The following AFG2A variants were observed in gnomAD, a reference collection of about 807,000 sequenced individuals.
AFG2A encodes AAA ATPase AFG2A.
chr4:123,243,058 C>T, the AFG2A span, among the ~76,000 whole-genome samples: 15 of 152,288 alleles, frequency 9.8e-5, no homozygotes, highest in Non-Finnish European at 1.6e-4. Flanking sequence ...TACCATCTCA[C>T]ACCAGTTAGA....
chr4:123,077,857 T>C, the AFG2A span, among the ~76,000 whole-genome samples: 3 of 152,222 alleles, frequency 2.0e-5, no homozygotes, highest in Non-Finnish European at 4.4e-5. Context: ...ATGTTTACAA[T>C]ATTATGCAGC....
At chr4:123,088,903 T>A in the AFG2A span, among the ~76,000 whole-genome samples, 1 of 152,178 alleles carries the variant, frequency 6.6e-6, no homozygotes, top group Non-Finnish European at 1.5e-5. Context: ...GTGAGAACGG[T>A]CTAATACAGA....
At chr4:123,214,078 A>G in the AFG2A span, among the ~76,000 whole-genome samples, 4 of 152,178 alleles carry the variant, frequency 2.6e-5, no homozygotes, top group Non-Finnish European at 5.9e-5. Flanking sequence ...TAGATTTTAT[A>G]TAATTTGGTA....
the AFG2A span, among the ~76,000 whole-genome samples, chr4:122,933,179 A>T: frequency 6.6e-6 from 1 of 152,200 alleles, no homozygotes; most frequent in African/African-American, 2.4e-5. Flanking sequence ...GCTGACTGAA[A>T]TGATTTCATT....
At chr4:123,317,328 C>T in the AFG2A span, 1 of 151,872 alleles carries the variant, frequency 6.6e-6, no homozygotes, top group East Asian at 1.9e-4. Flanking sequence ...CATGAAACCT[C>T]AAAACCTACA....
At chr4:123,258,398 CT>C in the AFG2A span, among the ~76,000 whole-genome samples, 2 of 152,208 alleles carry the variant, frequency 1.3e-5, no homozygotes, top group African/African-American at 4.8e-5. Flanking sequence ...ATTTCTCTCT[CT>C]CTGTTTCTCT....
chr4:123,075,988 CA>C, the AFG2A span, among the ~76,000 whole-genome samples: 9 of 134,132 alleles, frequency 6.7e-5, no homozygotes, highest in South Asian at 4.6e-4. Context: ...AAAAAAAAAA[CA>C]AAAAAAAAAG....
the AFG2A span, among the ~76,000 whole-genome samples, chr4:123,030,898 C>T: frequency 1.3e-5 from 2 of 151,986 alleles, no homozygotes; most frequent in Non-Finnish European, 1.5e-5. Context: ...GAGCTCAAAA[C>T]GTTTTGAATT....
At chr4:123,224,436 C>T in the AFG2A span, among the ~76,000 whole-genome samples, 136 of 152,126 alleles carry the variant, frequency 8.9e-4, no homozygotes, top group African/African-American at 2.9e-3. Flanking sequence ...GTTCATTTCC[C>T]ACCTGTGAGT....
At chr4:122,941,823 A>G in the AFG2A span, among the ~76,000 whole-genome samples, 2 of 151,578 alleles carry the variant, frequency 1.3e-5, no homozygotes, top group African/African-American at 4.8e-5. Flanking sequence ...TACCTAATTT[A>G]TTGAGAGTTT....
the AFG2A span, among the ~76,000 whole-genome samples, chr4:123,087,611 A>G: frequency 6.6e-6 from 1 of 152,146 alleles, no homozygotes; most frequent in Non-Finnish European, 1.5e-5. Context: ...AAACTCACAA[A>G]TGTGTGAGGG....
the AFG2A span, among the ~76,000 whole-genome samples, chr4:123,116,627 T>C: frequency 0.021 from 3,241 of 152,326 alleles, 64 homozygotes; most frequent in Non-Finnish European, 0.035. Flanking sequence ...TTTTTCCAAA[T>C]AGCTACATTG....
chr4:122,951,187 C>T, the AFG2A span, among the ~76,000 whole-genome samples: 1 of 152,140 alleles, frequency 6.6e-6, no homozygotes, highest in South Asian at 2.1e-4. Context: ...AGGTGACCTG[C>T]TACTGTCTAG....
chr4:122,929,500 C>G, the AFG2A span, among the ~76,000 whole-genome samples: 3 of 152,188 alleles, frequency 2.0e-5, no homozygotes, highest in Middle Eastern at 3.4e-3. Context: ...TCAAGACCAA[C>G]CTGAGCAACA....
At chr4:122,952,473 G>T in the AFG2A span, among the ~76,000 whole-genome samples, 1 of 152,296 alleles carries the variant, frequency 6.6e-6, no homozygotes, top group East Asian at 1.9e-4. Flanking sequence ...TACCCTAGGA[G>T]TCCTAAGAAG....
chr4:123,074,095 A>ATTTTTTTTTTTTTTTT, the AFG2A span, among the ~76,000 whole-genome samples: 4 of 102,068 alleles, frequency 3.9e-5, no homozygotes, highest in Admixed American at 1.3e-4. Context: ...CTCAGATAGT[A>ATTTTTTTTTTTTTTTT]TTTTTTTTTT....
chr4:123,311,191 G>A, the AFG2A span, among the ~76,000 whole-genome samples: 6 of 152,140 alleles, frequency 3.9e-5, no homozygotes, highest in African/African-American at 1.4e-4. Context: ...TTTCCCAAAT[G>A]TTGACATATA....
the AFG2A span, among the ~76,000 whole-genome samples, chr4:123,010,986 A>C: frequency 6.6e-6 from 1 of 152,204 alleles, no homozygotes; most frequent in East Asian, 1.9e-4. Flanking sequence ...ATTGCCCATT[A>C]AGACTGTGTT....
chr4:122,974,264 A>AT, the AFG2A span, among the ~76,000 whole-genome samples: 126,291 of 151,992 alleles, frequency 0.83, 53,615 homozygotes, highest in East Asian at 0.96. Flanking sequence ...TTTGCATGAT[A>AT]TAAAAAAAAG....
Sources: gnomAD v4.1 joint callset for allele counts (sites outside exome capture counted in the v4.1 genomes callset) on GRCh38, gnomAD v4.1.1 for gene constraint, MANE v1.5 for transcripts, NCBI Gene and HGNC (gene_info 2026-07-23, HGNC 2026-07-21) for gene names.